PTPRD: variants seen among roughly 807,000 people sequenced by gnomAD.
PTPRD encodes protein tyrosine phosphatase receptor type D, also known as receptor-type tyrosine-protein phosphatase delta.
In PTPRD, 34 loss-of-function variants were observed where a neutral mutation model predicts 214.5. The observed-to-expected ratio is 0.16, with a 90% CI of 0.12 to 0.21. The LOEUF is 0.21. Ranked by LOEUF, PTPRD falls within the 10% of genes least tolerant of loss-of-function variation. The pLI, the probability that PTPRD is intolerant of heterozygous loss-of-function variation, is 1.00. For missense variants in PTPRD, 2,545 were observed against 2,398.7 expected, an observed-to-expected ratio of 1.06 and a Z score of -1.27; for synonymous variants, 1,128 against 845.7, an observed-to-expected ratio of 1.33 and a Z score of -5.79.
intron 14 of PTPRD, among the ~76,000 whole-genome samples, chr9:8,625,431 T>C (rs1404869786): frequency 6.6e-6 from 1 of 151,880 alleles, no homozygotes; most frequent in Non-Finnish European, 1.5e-5. Context: ...TGTATGCCGA[T>C]ACTTAGAAAG....
intron 3 of PTPRD, among the ~76,000 whole-genome samples, chr9:10,318,399 G>A (rs1418752402): frequency 3.3e-5 from 5 of 151,978 alleles, no homozygotes; most frequent in Non-Finnish European, 7.4e-5. Flanking sequence ...ACCTCCAGGT[G>A]TGGAATCAGG....
chr9:8,466,578 T>G (rs2096548129), intron 31 of PTPRD, among the ~76,000 whole-genome samples: 1 of 151,942 alleles, frequency 6.6e-6, no homozygotes, highest in Admixed American at 6.6e-5. Context: ...CTTCTCCAAT[T>G]AAAATTGGTA....
chr9:8,368,676 CTTTTTTTT>C (rs199556434), intron 39 of PTPRD, among the ~76,000 whole-genome samples: 1 of 117,302 alleles, frequency 8.5e-6, no homozygotes, highest in Non-Finnish European at 1.8e-5. Context: ...CCTTTTAATG[CTTTTTTTT>C]TTTTTTTTTT....
At chr9:8,372,844 T>C (rs1034305985) in intron 39 of PTPRD, among the ~76,000 whole-genome samples, 1 of 151,986 alleles carries the variant, frequency 6.6e-6, no homozygotes, top group African/African-American at 2.4e-5. Flanking sequence ...ATTTCCTTTT[T>C]CTGTACTGCA....
chr9:9,595,287 A>ATT (rs975127546), intron 7 of PTPRD, among the ~76,000 whole-genome samples: 8 of 1,564 alleles, frequency 5.1e-3, no homozygotes, highest in African/African-American at 0.011. Context: ...TTATATATAT[A>ATT]TTATATATAT....
chr9:8,437,408 C>T (rs183120958), intron 34 of PTPRD, among the ~76,000 whole-genome samples: 3 of 152,104 alleles, frequency 2.0e-5, no homozygotes, highest in South Asian at 2.1e-4. Flanking sequence ...ACATTAAGAT[C>T]GCTAATATTT....
chr9:8,964,488 T>A (rs1427172866), intron 11 of PTPRD, among the ~76,000 whole-genome samples: 1 of 152,034 alleles, frequency 6.6e-6, no homozygotes. Flanking sequence ...TGATCCTGTT[T>A]ATCCTTTTAA....
intron 8 of PTPRD, among the ~76,000 whole-genome samples, chr9:9,412,316 CA>C (rs1276706856): frequency 6.6e-6 from 1 of 152,106 alleles, no homozygotes; most frequent in Non-Finnish European, 1.5e-5. Context: ...TACCACACTG[CA>C]TCTCAAACAC....
chr9:8,352,683 A>G (rs2075843166), intron 39 of PTPRD, among the ~76,000 whole-genome samples: 1 of 152,216 alleles, frequency 6.6e-6, no homozygotes, highest in South Asian at 2.1e-4. Context: ...CAAAGAGAGG[A>G]GCCACTGGAA....
chr9:8,799,851 CT>C (rs369187685), intron 11 of PTPRD, among the ~76,000 whole-genome samples: 3 of 151,462 alleles, frequency 2.0e-5, no homozygotes, highest in African/African-American at 4.9e-5. Flanking sequence ...CCCCCACACA[CT>C]TTTTTTTTCT....
chr9:8,642,921 G>A (rs1173047690), intron 12 of PTPRD, among the ~76,000 whole-genome samples: 2 of 151,922 alleles, frequency 1.3e-5, no homozygotes, highest in Non-Finnish European at 2.9e-5. Flanking sequence ...CAAAGTTGAT[G>A]TATCATTGCT....
intron 8 of PTPRD, among the ~76,000 whole-genome samples, chr9:9,501,210 T>G (rs1358719776): frequency 6.6e-6 from 1 of 151,972 alleles, no homozygotes; most frequent in Non-Finnish European, 1.5e-5. Flanking sequence ...AGCCAAAGAT[T>G]GTCAAATTGG....
chr9:10,011,028 G>C (rs556510729), intron 4 of PTPRD, among the ~76,000 whole-genome samples: 1 of 152,030 alleles, frequency 6.6e-6, no homozygotes, highest in African/African-American at 2.4e-5. Context: ...ATCCTACAAA[G>C]TTGTTCATTT....
chr9:9,822,177 C>G (rs1231625915), intron 5 of PTPRD, among the ~76,000 whole-genome samples: 1 of 150,482 alleles, frequency 6.6e-6, no homozygotes, highest in Non-Finnish European at 1.5e-5. Flanking sequence ...CTTTGGGAGG[C>G]TGAGGTGGGT....
chr9:9,017,765 G>C (rs1009543190), intron 11 of PTPRD, among the ~76,000 whole-genome samples: 1 of 152,004 alleles, frequency 6.6e-6, no homozygotes, highest in Non-Finnish European at 1.5e-5. Context: ...AATATTCAAG[G>C]CTTCTATTTA....
At chr9:9,996,097 T>C (rs918615369) in intron 4 of PTPRD, among the ~76,000 whole-genome samples, 1 of 131,826 alleles carries the variant, frequency 7.6e-6, no homozygotes, top group South Asian at 2.4e-4. Context: ...TCATGACACA[T>C]GTATTAAATC....
intron 12 of PTPRD, among the ~76,000 whole-genome samples, chr9:8,726,844 G>C (rs990117064): frequency 1.3e-5 from 2 of 149,386 alleles, no homozygotes; most frequent in African/African-American, 4.9e-5. Context: ...GGTGGCGCGT[G>C]CCTGTAGTTC....
intron 8 of PTPRD, among the ~76,000 whole-genome samples, chr9:9,566,543 A>G (rs2084601700): frequency 6.6e-6 from 1 of 151,974 alleles, no homozygotes; most frequent in Admixed American, 6.6e-5. Flanking sequence ...ACACAATAAT[A>G]CCTAAACATT....
At chr9:9,609,410 A>C (rs527751689) in intron 7 of PTPRD, among the ~76,000 whole-genome samples, 1 of 152,318 alleles carries the variant, frequency 6.6e-6, no homozygotes, top group East Asian at 1.9e-4. Context: ...CAGACAAAAG[A>C]AACTTTGGGA....
Sources: allele counts gnomAD v4.1 joint callset (sites outside exome capture counted in the v4.1 genomes callset), GRCh38; gene constraint gnomAD v4.1.1; transcripts MANE v1.5; gene names NCBI Gene and HGNC (gene_info 2026-07-23, HGNC 2026-07-21).